CPS1: variants seen among roughly 807,000 people sequenced by gnomAD.
CPS1 encodes carbamoyl-phosphate synthase 1.
Under a neutral mutation model 174.6 loss-of-function variants are expected in CPS1, and 109 were observed. The observed-to-expected ratio is 0.62, with a 90% CI of 0.53 to 0.73. CPS1 has a LOEUF of 0.73. CPS1 is among the 30% of genes least tolerant of loss of function. The probability of loss-of-function intolerance (pLI) is 0.00; values close to 1 mark genes in which losing one functional copy is unlikely to be tolerated. For missense variants in CPS1, 1,689 were observed against 1,821.9 expected (o/e 0.93, Z 1.33); for synonymous variants, 637 against 632.0 (o/e 1.01, Z -0.12).
Position 210,507,045 on chromosome 2 carries a change from C to T in CPS1, c.3+29279C>T, listed in dbSNP as rs558155933. 5.9e-5 allele frequency among the ~76,000 whole-genome samples: 9 copies of T among 152,240 alleles called. 1 individual carries two copies. The South Asian group carries it at 1.7e-3, about 28-fold the overall frequency. On this transcript the variant is annotated intron_variant, in intron 1 of 38. Coordinates refer to the CPS1 transcript ENST00000430249. Reference sequence around the variant, plus strand: ...CAGAGAACGCCACAAAGATACTCCTCAAGAAGAGCAACTCCAAGACACAGA... The same window carrying T: ...CAGAGAACGCCACAAAGATACTCCTTAAGAAGAGCAACTCCAAGACACAGA...
chr2:210,659,728 G>A (rs977275690), intron 31 of CPS1, among the ~76,000 whole-genome samples: 1 of 152,190 alleles, frequency 6.6e-6, no homozygotes, highest in Admixed American at 6.5e-5. Flanking sequence ...AGGTAAATTT[G>A]TAGAAAACTA....
chr2:210,576,327 T>G lies in CPS1; in HGVS notation c.237-19T>G. Reference sequence around the variant, plus strand: ...TTACATACATTATTTGCTGATAATTTTTTGGCATGTTTACCCAGGTACCCA... The same window carrying G: ...TTACATACATTATTTGCTGATAATTGTTTGGCATGTTTACCCAGGTACCCA... On this transcript the variant is annotated intron_variant, in intron 2 of 37. Transcript: ENST00000233072. 1 of 1,613,294 alleles carries G rather than the reference T, an allele frequency of 6.2e-7. No homozygotes were observed. The highest frequency in any genetic ancestry group is 8.5e-7 in the Non-Finnish European group (1 of 1,179,364).
In CPS1 at chr2:210,677,870, TA is replaced by T; in HGVS notation, c.4405-16del. ...TTATCTCATGGAGGGTGCTGATTCC[TA>T]CCATTATATTTTCAGGTGACCAAAC... On this transcript the variant is annotated splice_polypyrimidine_tract_variant and intron_variant, in intron 37 of 37. Coordinates refer to ENST00000233072, the MANE Select transcript of CPS1 (RefSeq NM_001875.5). The T allele has an allele frequency of 6.3e-7, 1 of 1,589,554 alleles. No individual in the cohort carries two copies. The highest frequency in any genetic ancestry group is 8.6e-7 in the Non-Finnish European group (1 of 1,157,578).
At chr2:210,501,033 G>A (rs542877550) in intron 1 of CPS1, among the ~76,000 whole-genome samples, 3 of 152,268 alleles carry the variant, frequency 2.0e-5, no homozygotes, top group African/African-American at 7.2e-5. Flanking sequence ...AACACCATGT[G>A]GAAACTGCCA....
At chr2:210,583,001 A>C (rs71420802) in intron 6 of CPS1, among the ~76,000 whole-genome samples, 3,108 of 152,154 alleles carry the variant, frequency 0.02, 45 homozygotes, top group South Asian at 0.058. Context: ...ACAATGTAAA[A>C]TAAAGGAAGC....
chr2:210,565,736 G>T (rs17773661), intron 1 of CPS1, among the ~76,000 whole-genome samples: 11,010 of 152,128 alleles, frequency 0.072, 563 homozygotes, highest in Non-Finnish European at 0.11. Flanking sequence ...TGCTAAACTT[G>T]TGCTTGGTTG....
intron 7 of CPS1, among the ~76,000 whole-genome samples, 198 bp downstream of exon 7, chr2:210,588,345 T>TAA (rs985122403): frequency 2.0e-5 from 3 of 148,216 alleles, no homozygotes; most frequent in African/African-American, 7.4e-5. Flanking sequence ...GTTTTTTCTT[T>TAA]AAAAAAAAAA....
intron 21 of CPS1, among the ~76,000 whole-genome samples, chr2:210,621,876 C>T (rs1699541415): frequency 1.3e-5 from 2 of 151,932 alleles, no homozygotes; most frequent in African/African-American, 4.8e-5. Flanking sequence ...AATTTTTGGA[C>T]TACATATTAA....
At chr2:210,649,987 G>T (rs1314918053) in intron 27 of CPS1, among the ~76,000 whole-genome samples, 2 of 152,194 alleles carry the variant, frequency 1.3e-5, no homozygotes, top group East Asian at 3.8e-4. Flanking sequence ...GAAGAAACAG[G>T]TTAGGGAAAT....
rs552750621 is a variant in CPS1, at chr2:210,494,245, A to G, written c.3+16479A>G. 9.8e-5 allele frequency among the ~76,000 whole-genome samples: 15 copies of G among 152,370 alleles called. No individual in the cohort carries two copies. The East Asian group carries it at 1.2e-3, about 12-fold the overall frequency. ...AATGTGTTTCCTTTATTTTCTAACT[A>G]TAAAATGGTTTTGACATCTTCAAAA... On this transcript the variant is annotated intron_variant, in intron 1 of 38. Coordinates refer to the CPS1 transcript ENST00000430249.
At chr2:210,652,391 AAGAGG>A (rs1700584793) in intron 28 of CPS1, among the ~76,000 whole-genome samples, 1 of 152,174 alleles carries the variant, frequency 6.6e-6, no homozygotes, top group Non-Finnish European at 1.5e-5. Flanking sequence ...AATTCATGGA[AAGAGG>A]TGAGTGAGTT....
intron 17 of CPS1, among the ~76,000 whole-genome samples, chr2:210,606,321 T>C (rs1574583182): frequency 6.6e-6 from 1 of 151,764 alleles, no homozygotes; most frequent in East Asian, 2.0e-4. Context: ...GAGACTAAGA[T>C]TGCAGATATA....
intron 1 of CPS1, among the ~76,000 whole-genome samples, chr2:210,483,529 C>T (rs1694632991): frequency 6.6e-6 from 1 of 152,196 alleles, no homozygotes; most frequent in South Asian, 2.1e-4. Context: ...CATCTACTGT[C>T]CTCCTCCTTC....
chr2:210,612,280 A>G lies in CPS1; in HGVS notation c.2555A>G (p.Tyr852Cys), dbSNP rs1559106516. ...TCTGAACCAAGCAGCACGCGTATCT[A>G]TGCCATTGCCAAGGTAAGATGTTAC... ...ELSEPSSTRI[Y>C]AIAKAIDDNM... Residue 852 changes from tyrosine to cysteine, a missense_variant, in exon 20 of 38, where the codon TAT becomes TGT. By Grantham distance (194) the Tyr-to-Cys change is radical. Coordinates refer to ENST00000233072, the MANE Select transcript of CPS1 (RefSeq NM_001875.5). The G allele has an allele frequency of 1.2e-6, 2 of 1,611,982 alleles. No homozygotes were observed. Among genetic ancestry groups the G allele is most frequent in the East Asian group, 2.2e-5 (1 of 44,744 alleles).
intron 1 of CPS1, among the ~76,000 whole-genome samples, chr2:210,550,222 TA>T (rs1264352442): frequency 6.6e-6 from 1 of 152,012 alleles, no homozygotes; most frequent in African/African-American, 2.4e-5. Flanking sequence ...AGTTATGTTT[TA>T]CTGATTTTCA....
At chr2:210,557,206 A>T (rs1016706252) in intron 1 of CPS1, among the ~76,000 whole-genome samples, 1 of 152,108 alleles carries the variant, frequency 6.6e-6, no homozygotes, top group Non-Finnish European at 1.5e-5. Context: ...GGAGCTGCTT[A>T]TATGTGTGTG....
upstream of CPS1, chr2:210,556,463 G>A: frequency 1.2e-6 from 1 of 819,564 alleles, no homozygotes; most frequent in East Asian, 3.5e-5. Flanking sequence ...ATTTTAGCAG[G>A]AGAAGGTAGT....
chr2:210,571,855 TTGTGTGTGTGTGTGTGTGTGTG>T (rs71043997), intron 1 of CPS1, among the ~76,000 whole-genome samples: 12,216 of 139,700 alleles, frequency 0.087, 1,659 homozygotes, highest in African/African-American at 0.29. Context: ...CTACTAAAGT[TTGTGTGTGTGTGTGTGTGTGTG>T]TGTGTGTGTG....
At chr2:210,634,670 T>A (rs12694206) in intron 21 of CPS1, among the ~76,000 whole-genome samples, 64,370 of 151,996 alleles carry the variant, frequency 0.42, 14,714 homozygotes, top group Middle Eastern at 0.57. Context: ...AGACATATCA[T>A]TGGCTATTTG....
Sources: gnomAD v4.1 joint callset for allele counts (sites outside exome capture counted in the v4.1 genomes callset) on GRCh38, gnomAD v4.1.1 for gene constraint, MANE v1.5 for transcripts, NCBI Gene and HGNC (gene_info 2026-07-23, HGNC 2026-07-21) for gene names.